AMOTL1: variants seen among roughly 807,000 people sequenced by gnomAD.
AMOTL1 encodes the protein angiomotin-like protein 1.
AMOTL1 carries 45 observed loss-of-function variants against 102.9 expected under a neutral mutation model. The ratio of observed to expected loss-of-function variants is 0.44; its 90% CI spans 0.34 to 0.56. The LOEUF (loss-of-function observed/expected upper bound fraction) is 0.56, where lower values mean the gene tolerates loss of function less well. Among genes scored for constraint, AMOTL1 ranks in the 20% least tolerant of loss-of-function variants. The probability of loss-of-function intolerance (pLI) is 0.01; values close to 1 mark genes in which losing one functional copy is unlikely to be tolerated. For synonymous variants in AMOTL1, 481 were observed against 484.7 expected (o/e 0.99, Z 0.10); for missense variants, 1,114 against 1,225.6 (o/e 0.91, Z 1.36).
chr11:94,833,707 A>G (rs1454171456), intron 6 of AMOTL1, among the ~76,000 whole-genome samples: 1 of 152,204 alleles, frequency 6.6e-6, no homozygotes, highest in Non-Finnish European at 1.5e-5. Flanking sequence ...CCTAGAGGCA[A>G]GGAGACTAGT....
rs774692069 is a variant in AMOTL1 at position 94,869,463 on chromosome 11, A to G, written c.2754A>G (p.Ala918=). The change falls in exon 12 of 13, where the codon GCA becomes GCG. Residue 918 remains alanine, a synonymous_variant. Transcript: ENST00000433060. ...AACACCCAGCGGCCAAAGGGACCGC[A>G]GAGAAACTGGGTATGTGGGCTACCC... ...VLKHPAAKGT[A]EKLENSPGHG... 4.4e-6 allele frequency: 7 copies of G among 1,599,242 alleles called. No individual in the cohort carries two copies. In the Admixed American group the frequency reaches 1.0e-4, roughly 24 times the overall value.
intron 6 of AMOTL1, among the ~76,000 whole-genome samples, chr11:94,835,202 A>T (rs1406830217): frequency 6.6e-6 from 1 of 152,206 alleles, no homozygotes; most frequent in Non-Finnish European, 1.5e-5. Context: ...TGTAGCTTAT[A>T]GGATGGTGAT....
At chr11:94,852,059 T>C (rs918772712) in intron 7 of AMOTL1, among the ~76,000 whole-genome samples, 1 of 152,206 alleles carries the variant, frequency 6.6e-6, no homozygotes, top group African/African-American at 2.4e-5. Context: ...TAGCTGCACA[T>C]TCAGAAAAGT....
At chr11:94,765,236 C>A (rs1286464913), upstream of AMOTL1, among the ~76,000 whole-genome samples, 1 of 152,178 alleles carries the variant, frequency 6.6e-6, no homozygotes, top group Non-Finnish European at 1.5e-5. Flanking sequence ...GTGCATAGAT[C>A]TAAAGAAGGC....
chr11:94,725,036 T>C (rs1340428361), intron 1 of AMOTL1, among the ~76,000 whole-genome samples: 1 of 152,128 alleles, frequency 6.6e-6, no homozygotes, highest in Non-Finnish European at 1.5e-5. Context: ...TATTTTTAGA[T>C]CAAGTCTTCA....
upstream of AMOTL1, chr11:94,768,218 C>T: frequency 4.5e-6 from 5 of 1,110,696 alleles, no homozygotes; most frequent in Non-Finnish European, 5.5e-6. Flanking sequence ...CGGGGAGGGG[C>T]GGCGGGTGTC....
chr11:94,854,231 A>C, intron 8 of AMOTL1, 149 bp downstream of exon 8: 1 of 1,058,822 alleles, frequency 9.4e-7, no homozygotes, highest in Non-Finnish European at 1.3e-6. Context: ...CCATACAACA[A>C]CCAGGAGAGA....
chr11:94,763,628 A>T (rs770451032), upstream of AMOTL1, among the ~76,000 whole-genome samples: 7 of 152,366 alleles, frequency 4.6e-5, no homozygotes, highest in African/African-American at 1.7e-4. Flanking sequence ...CACATATTTC[A>T]TATGTTATAT....
intron 1 of AMOTL1, among the ~76,000 whole-genome samples, chr11:94,790,012 A>G (rs1352609518): frequency 6.6e-6 from 1 of 152,160 alleles, no homozygotes; most frequent in Non-Finnish European, 1.5e-5. Flanking sequence ...GCTGGCCTGT[A>G]GAGTTGAAAG....
chr11:94,855,697 T>G (rs1348065392), intron 8 of AMOTL1, among the ~76,000 whole-genome samples: 1 of 152,212 alleles, frequency 6.6e-6, no homozygotes, highest in Admixed American at 6.5e-5. Flanking sequence ...TTATCCTTGT[T>G]GTTTATCAAG....
intron 4 of AMOTL1, among the ~76,000 whole-genome samples, chr11:94,828,005 C>T (rs1334466679): frequency 2.0e-5 from 3 of 152,134 alleles, no homozygotes; most frequent in Admixed American, 6.5e-5. Flanking sequence ...GTCATCTGTA[C>T]GTTGAGGACA....
rs982945574 is a variant in AMOTL1, at chr11:94,708,426, T to C, written c.-51+1829T>C. ...ACCTTGGAACCATGTGGGTCTTCAT[T>C]TGAATCCCAGCTTCTCCACCTCCCG... On this transcript the variant is annotated intron_variant, in intron 1 of 4. Transcript: ENST00000299004. Among the ~76,000 whole-genome samples the C allele has an allele frequency of 2.0e-5, 3 of 152,180 alleles. No homozygotes were observed. In the East Asian group the frequency reaches 5.8e-4, roughly 29 times the overall value.
chr11:94,846,562 A>T (rs561820824), intron 6 of AMOTL1, among the ~76,000 whole-genome samples: 21 of 152,228 alleles, frequency 1.4e-4, no homozygotes, highest in Admixed American at 1.3e-4. Context: ...TAGATGCTTC[A>T]TTAGTTAATA....
chr11:94,797,022 T>C (rs1475445471), intron 2 of AMOTL1: 21 of 985,246 alleles, frequency 2.1e-5, no homozygotes, highest in Non-Finnish European at 2.5e-5. Flanking sequence ...GATAAAAAGG[T>C]CAGAAGTGAA....
At chr11:94,722,010 G>T (rs1488619047) in intron 1 of AMOTL1, among the ~76,000 whole-genome samples, 1 of 152,194 alleles carries the variant, frequency 6.6e-6, no homozygotes, top group Admixed American at 6.5e-5. Context: ...TTGCCTCATA[G>T]ACTTCAGCCT....
intron 1 of AMOTL1, among the ~76,000 whole-genome samples, chr11:94,711,428 A>G (rs1297742108): frequency 6.6e-6 from 1 of 152,062 alleles, no homozygotes; most frequent in Non-Finnish European, 1.5e-5. Context: ...TACGATCCAC[A>G]GACCTTATCA....
At chr11:94,833,988 A>G (rs1264324994) in intron 6 of AMOTL1, among the ~76,000 whole-genome samples, 1 of 152,214 alleles carries the variant, frequency 6.6e-6, no homozygotes, top group African/African-American at 2.4e-5. Context: ...CTTGCAACCC[A>G]CAGCTCAGTG....
chr11:94,822,531 T>G (rs959393342), intron 4 of AMOTL1, among the ~76,000 whole-genome samples: 25 of 152,192 alleles, frequency 1.6e-4, no homozygotes, highest in African/African-American at 5.8e-4. Context: ...TCATGTTCAT[T>G]TCATTAGCCG....
chr11:94,733,802 G>T (rs2135464144), intron 2 of AMOTL1, among the ~76,000 whole-genome samples: 2 of 152,312 alleles, frequency 1.3e-5, no homozygotes, highest in Non-Finnish European at 2.9e-5. Context: ...GTGTAAGTCG[G>T]AAGTGTATGA....
Sources: allele counts gnomAD v4.1 joint callset (sites outside exome capture counted in the v4.1 genomes callset), GRCh38; gene constraint gnomAD v4.1.1; transcripts MANE v1.5; gene names NCBI Gene and HGNC (gene_info 2026-07-23, HGNC 2026-07-21).